The following INPP4B variants were observed in gnomAD, a reference collection of about 807,000 sequenced individuals.
The protein encoded by INPP4B is inositol polyphosphate 4-phosphatase type II.
A neutral mutation model predicts 122.5 loss-of-function variants in INPP4B; 55 were observed. The observed-to-expected ratio is 0.45, with a 90% CI of 0.36 to 0.56. INPP4B has a LOEUF of 0.56. Ranked by LOEUF, INPP4B falls within the 20% of genes least tolerant of loss-of-function variation. The probability of loss-of-function intolerance (pLI) is 0.00; values close to 1 mark genes in which losing one functional copy is unlikely to be tolerated. For missense variants in INPP4B, 1,000 were observed against 1,097.7 expected (o/e 0.91, Z 1.26); for synonymous variants, 403 against 388.7 (o/e 1.04, Z -0.43).
chr4:142,138,894 T>A (rs1806183519), intron 18 of INPP4B, among the ~76,000 whole-genome samples: 1 of 152,218 alleles, frequency 6.6e-6, no homozygotes, highest in Non-Finnish European at 1.5e-5. Context: ...TGACACCTCA[T>A]CTGAGAGTAA....
Position 142,532,266 on chromosome 4 carries a change from CT to C in INPP4B, c.-190-69541del, listed in dbSNP as rs966652564. ...CCATCCACTTCAGCAGCAGCACCCC[CT>C]GCTCTCATTATTCTTCACCTTGGCC... On this transcript the variant is annotated intron_variant, in intron 2 of 25. Transcript: ENST00000262992. Among the ~76,000 whole-genome samples the C allele has an allele frequency of 7.2e-5, 11 of 152,298 alleles. 1 individual carries two copies. The highest frequency in any genetic ancestry group is 7.2e-4 in the Admixed American group (11 of 15,286).
intron 8 of INPP4B, 113 bp from the exon 9 acceptor site, chr4:142,305,650 C>A: frequency 6.7e-7 from 1 of 1,486,236 alleles, no homozygotes; most frequent in Non-Finnish European, 9.1e-7. Flanking sequence ...AATCTATTAG[C>A]CTGACAAATA....
intron 25 of INPP4B, among the ~76,000 whole-genome samples, chr4:142,033,668 A>ATTTTTTTTTT (rs5862564): frequency 1.5e-5 from 2 of 129,504 alleles, no homozygotes; most frequent in African/African-American, 6.0e-5. Flanking sequence ...TCTCCATTTC[A>ATTTTTTTTTT]TTTTTTTTTT....
At chr4:142,325,766 G>A (rs879791539) in intron 7 of INPP4B, among the ~76,000 whole-genome samples, 7 of 152,042 alleles carry the variant, frequency 4.6e-5, no homozygotes, top group South Asian at 2.1e-4. Flanking sequence ...ATATGAATGC[G>A]CCATTATACT....
At chr4:142,612,225 G>T (rs1018758060) in intron 2 of INPP4B, among the ~76,000 whole-genome samples, 16 of 152,160 alleles carry the variant, frequency 1.1e-4, no homozygotes, top group African/African-American at 3.4e-4. Flanking sequence ...TGCTGCTTCT[G>T]CCTCTGAAGT....
intron 2 of INPP4B, among the ~76,000 whole-genome samples, chr4:142,554,436 C>G (rs1468123773): frequency 6.6e-6 from 1 of 151,722 alleles, no homozygotes; most frequent in Non-Finnish European, 1.5e-5. Context: ...TCTTGATCTC[C>G]TCAAATCAGT....
chr4:142,042,022 T>C (rs1747927493), intron 25 of INPP4B, among the ~76,000 whole-genome samples: 1 of 152,158 alleles, frequency 6.6e-6, no homozygotes, highest in South Asian at 2.1e-4. Context: ...ACCTCAGTCC[T>C]CCTTGATGCT....
In INPP4B at chr4:142,431,351, C is replaced by T; in HGVS notation, c.-92G>A. The T allele has an allele frequency of 2.3e-6, 2 of 853,934 alleles. No individual in the cohort carries two copies. Among genetic ancestry groups the T allele is most frequent in the African/African-American group, 3.4e-5 (2 of 59,612 alleles). The allele number at this position is 853,934 out of a possible 1,614,324, so 52.9% of individuals were successfully genotyped here. A position where few individuals can be genotyped will look rare whatever the true frequency, so the allele number is the denominator to read the frequency against. ...GGTTTAATGTAGATGTATCTTCACA[C>T]TAAAGATCTGATATCCCACTCTGAA... On this transcript the variant is annotated 5_prime_UTR_variant, in exon 4 of 26. In the 5' UTR this introduces an upstream ATG that the reference lacks. Transcript: ENST00000262992.
rs554639890 is a variant in INPP4B at position 142,428,119 on chromosome 4, T to C, written c.136+1054A>G. Among the ~76,000 whole-genome samples the C allele has an allele frequency of 4.0e-5, 6 of 151,716 alleles. No individual in the cohort carries two copies. The East Asian group carries it at 9.7e-4, about 24-fold the overall frequency. On this transcript the variant is annotated intron_variant, in intron 5 of 25. Transcript: ENST00000262992. ...CAAAAAATGAATTACATACCAATTA[T>C]GGTCTCAATAAGTCATATTTTAAAA...
intron 7 of INPP4B, among the ~76,000 whole-genome samples, chr4:142,345,783 TAAAAG>T (rs1165931878): frequency 6.6e-6 from 1 of 151,956 alleles, no homozygotes; most frequent in Non-Finnish European, 1.5e-5. Context: ...ACCAGAATAA[TAAAAG>T]AAAATAGAGG....
intron 1 of INPP4B, among the ~76,000 whole-genome samples, chr4:142,776,566 C>T (rs879656897): frequency 1.3e-5 from 2 of 152,096 alleles, no homozygotes; most frequent in Non-Finnish European, 2.9e-5. Flanking sequence ...CAGATATATG[C>T]AAGGAAGCTG....
chr4:142,256,156 C>A (rs555327512), intron 11 of INPP4B, among the ~76,000 whole-genome samples: 1,526 of 148,932 alleles, frequency 0.01, 30 homozygotes, highest in African/African-American at 0.035. Context: ...TTGAAACCAA[C>A]GAGAACAAAG....
At chr4:142,682,953 T>C (rs536217558) in intron 2 of INPP4B, among the ~76,000 whole-genome samples, 1 of 152,056 alleles carries the variant, frequency 6.6e-6, no homozygotes, top group Non-Finnish European at 1.5e-5. Flanking sequence ...TGTATATGCA[T>C]ATACACATAT....
intron 9 of INPP4B, among the ~76,000 whole-genome samples, chr4:142,274,869 G>A (rs1179711355): frequency 6.6e-6 from 1 of 151,680 alleles, no homozygotes; most frequent in Non-Finnish European, 1.5e-5. Context: ...AAGATAAGCA[G>A]TTCATGGCTG....
chr4:142,068,807 T>C (rs1056253523), intron 25 of INPP4B, among the ~76,000 whole-genome samples: 6 of 152,164 alleles, frequency 3.9e-5, no homozygotes, highest in Non-Finnish European at 5.9e-5. Context: ...ATGCACCCAA[T>C]ACAGGAGCAC....
chr4:142,192,810 C>G (rs1836562716), intron 15 of INPP4B, among the ~76,000 whole-genome samples: 1 of 152,138 alleles, frequency 6.6e-6, no homozygotes, highest in Admixed American at 6.6e-5. Flanking sequence ...CTCCTTTGAG[C>G]AAGCAATAGT....
chr4:142,424,877 T>G, intron 5 of INPP4B, among the ~76,000 whole-genome samples: 1 of 152,030 alleles, frequency 6.6e-6, no homozygotes, highest in East Asian at 1.9e-4. Context: ...GTGATGTGTT[T>G]CCACATTGCC....
intron 1 of INPP4B, among the ~76,000 whole-genome samples, chr4:142,823,507 A>G (rs1232558578): frequency 6.6e-6 from 1 of 152,208 alleles, no homozygotes; most frequent in African/African-American, 2.4e-5. Context: ...AAATTTTAAT[A>G]TGTAGTCTTT....
chr4:142,154,245 T>G (rs1414977703), intron 17 of INPP4B, among the ~76,000 whole-genome samples: 1 of 152,040 alleles, frequency 6.6e-6, no homozygotes, highest in Non-Finnish European at 1.5e-5. Flanking sequence ...AAGGGACAAC[T>G]AGTCACTTTC....
Sources: gnomAD v4.1 joint callset for allele counts (sites outside exome capture counted in the v4.1 genomes callset) on GRCh38, gnomAD v4.1.1 for gene constraint, MANE v1.5 for transcripts, NCBI Gene and HGNC (gene_info 2026-07-23, HGNC 2026-07-21) for gene names.